Variants in FLNB observed in about 807,000 individuals in gnomAD.
FLNB encodes the protein filamin B.
Under a neutral mutation model 250.6 loss-of-function variants are expected in FLNB, and 111 were observed. That is an observed-to-expected ratio of 0.44 (90% CI 0.38 to 0.52). The LOEUF (loss-of-function observed/expected upper bound fraction) is 0.52, where lower values mean the gene tolerates loss of function less well. Among genes scored for constraint, FLNB ranks in the 20% least tolerant of loss-of-function variants. The pLI is 0.00. For synonymous variants in FLNB, 1,302 were observed against 1,372.1 expected (o/e 0.95, Z 1.13); for missense variants, 2,869 against 3,447.8 (o/e 0.83, Z 4.20).
intron 42 of FLNB, among the ~76,000 whole-genome samples, chr3:58,161,751 G>A (rs1339831648): frequency 1.3e-5 from 2 of 152,018 alleles, no homozygotes; most frequent in Admixed American, 6.5e-5. Flanking sequence ...TGTGGGCCTG[G>A]TTCTGGCCTT....
intron 21 of FLNB, 101 bp downstream of exon 21, chr3:58,123,791 A>G (rs2097293041): frequency 1.0e-6 from 1 of 1,000,086 alleles, no homozygotes; most frequent in African/African-American, 1.6e-5. Context: ...TGCAGGAGCC[A>G]GGTGACATAT....
At position 58,148,864 on chromosome 3, in the gene FLNB, C is replaced by T. The variant is rs1294960435; in HGVS notation, c.6091+12C>T. On this transcript the variant is annotated intron_variant, in intron 36 of 45. Transcript: ENST00000295956. ...CACAAGGGATGCAGGTCTGTGTGGT[C>T]CCAGGGGAGAGGCCCAGAGCTTGTG... The T allele has an allele frequency of 6.2e-7, 1 of 1,608,688 alleles. No homozygotes were observed.
chr3:58,040,260 G>A (rs750479201), intron 1 of FLNB, among the ~76,000 whole-genome samples: 11 of 152,304 alleles, frequency 7.2e-5, no homozygotes, highest in African/African-American at 1.7e-4. Flanking sequence ...CTGACCCAGC[G>A]AGCCAAAGCA....
chr3:58,121,443 A>G lies in FLNB; in HGVS notation c.3066A>G (p.Gly1022=), dbSNP rs775761983. The change falls in exon 20 of 46, where the codon GGA becomes GGG. Residue 1022 remains glycine, a synonymous_variant. Transcript: ENST00000295956. The part of the protein sequence containing the change: ...GLYAVDVTYD[G]HPVPGSPYTV... ...ATGCTGTAGACGTGACCTACGATGG[A>G]CACCCTGTGCCCGGGAGCCCCTACA... The G allele has an allele frequency of 3.7e-6, 6 of 1,613,978 alleles. No individual in the cohort carries two copies. The African/African-American group carries it at 4.0e-5, about 11-fold the overall frequency.
chr3:58,164,445 T>G lies in FLNB; in HGVS notation c.7198+1115T>G, dbSNP rs2097367013. On this transcript the variant is annotated intron_variant, in intron 43 of 45. Transcript: ENST00000295956. This position sits in a 1 kb window ranked among gnomAD's most constrained non-coding sequence, Gnocchi z 4.0. ...AGTATGTCCTGGTTTCTTGAGTCTC[T>G]TGTGTGTGTACCCCCACCCCGCATA... 1 of 152,262 alleles carries G rather than the reference T, an allele frequency of 6.6e-6. No homozygotes were observed. The highest frequency in any genetic ancestry group is 1.5e-5 in the Non-Finnish European group (1 of 68,100). The allele number at this position is 152,262 out of a possible 1,614,324, so 9.4% of individuals were successfully genotyped here.
intron 29 of FLNB, among the ~76,000 whole-genome samples, chr3:58,139,037 C>G (rs964197687): frequency 1.3e-5 from 2 of 152,252 alleles, no homozygotes; most frequent in South Asian, 2.1e-4. Context: ...GGGGAAATAC[C>G]TCGTCTTTTG....
At chr3:58,028,325 A>G (rs902543874) in intron 1 of FLNB, among the ~76,000 whole-genome samples, 3 of 152,182 alleles carry the variant, frequency 2.0e-5, no homozygotes, top group Non-Finnish European at 4.4e-5. Context: ...TTTAATAGGA[A>G]AATCACAGGA....
intron 18 of FLNB, among the ~76,000 whole-genome samples, chr3:58,114,006 T>A (rs1023935380): frequency 6.6e-5 from 10 of 152,134 alleles, no homozygotes; most frequent in Non-Finnish European, 1.2e-4. Context: ...GTGACTGATT[T>A]ATTTTTCTTC....
chr3:58,104,160 C>T (rs143611997), intron 10 of FLNB, 75 bp downstream of exon 10: 21 of 1,501,974 alleles, frequency 1.4e-5, no homozygotes, highest in South Asian at 5.9e-5. Context: ...AGTTGCTTCC[C>T]GGGCTGCAGG....
At chr3:58,093,631 G>A (rs2097232079) in intron 4 of FLNB, among the ~76,000 whole-genome samples, 1 of 88,934 alleles carries the variant, frequency 1.1e-5, no homozygotes, top group African/African-American at 4.5e-5. Flanking sequence ...TTATACTTAT[G>A]TTCACACACA....
At chr3:58,027,463 G>A (rs2106741773) in intron 1 of FLNB, among the ~76,000 whole-genome samples, 1 of 152,130 alleles carries the variant, frequency 6.6e-6, no homozygotes, top group Middle Eastern at 3.4e-3. Flanking sequence ...TGTATTTTTA[G>A]TATCAACGAG....
At chr3:58,065,759 T>A (rs902012361) in intron 1 of FLNB, among the ~76,000 whole-genome samples, 1 of 152,182 alleles carries the variant, frequency 6.6e-6, no homozygotes, top group African/African-American at 2.4e-5. Context: ...AGCCCCAGGG[T>A]GGGCCAGACT....
In FLNB at chr3:58,094,903, G is replaced by A; in HGVS notation, c.855G>A (p.Gly285=). ...TCACTGTGGACACCATCAGCGCCGGGCAAGGAGACGTGATGGTGTTTGTTG... is the reference window on the plus strand; with the variant it reads ...TCACTGTGGACACCATCAGCGCCGGACAAGGAGACGTGATGGTGTTTGTTG... ...AKFTVDTISA[G]QGDVMVFVED... is the part of the protein sequence containing the mutation. Residue 285 remains glycine (G), a synonymous_variant, in exon 5 of 46, where the codon GGG becomes GGA. Coordinates refer to ENST00000295956, the MANE Select transcript of FLNB (RefSeq NM_001457.4). 1.2e-6 allele frequency: 2 copies of A among 1,614,182 alleles called. No homozygotes were observed. Among genetic ancestry groups the A allele is most frequent in the Non-Finnish European group, 8.5e-7 (1 of 1,180,022 alleles).
At chr3:58,139,893 G>T (rs774821083) in intron 29 of FLNB, among the ~76,000 whole-genome samples, 58 of 152,192 alleles carry the variant, frequency 3.8e-4, no homozygotes, top group Non-Finnish European at 4.0e-4. Context: ...GAAGGTCTAC[G>T]TGAGAAAGTC....
chr3:58,123,542 GACCT>G lies in FLNB; in HGVS notation c.3579_3582del (p.Tyr1194CysfsTer3). The G allele has an allele frequency of 6.2e-7, 1 of 1,607,042 alleles. No individual in the cohort carries two copies. ...ACAACAAAGATGGCACCTACGCGGT[GACCT>G]ACGTGCCCCTGACGGCCGGCATGTA... On this transcript the variant is annotated frameshift_variant, in exon 21 of 46. Transcript: ENST00000295956. LOFTEE classifies it high-confidence loss of function.
intron 1 of FLNB, among the ~76,000 whole-genome samples, chr3:58,037,951 AAAC>A (rs1386125304): frequency 6.6e-6 from 1 of 152,238 alleles, no homozygotes; most frequent in Admixed American, 6.5e-5. Flanking sequence ...AAATCAATGA[AAAC>A]AACGTGTTAC....
At chr3:58,156,139 G>T in intron 41 of FLNB, 64 bp downstream of exon 41, 1 of 1,268,264 alleles carries the variant, frequency 7.9e-7, no homozygotes, top group Non-Finnish European at 1.2e-6. Flanking sequence ...CTGGACTCCT[G>T]AGGCTGCTTC....
At chr3:58,023,644 G>T (rs1324648581) in intron 1 of FLNB, among the ~76,000 whole-genome samples, 1 of 152,188 alleles carries the variant, frequency 6.6e-6, no homozygotes, top group East Asian at 1.9e-4. Flanking sequence ...TGGTCATACT[G>T]ATGGTTATAA....
intron 20 of FLNB, among the ~76,000 whole-genome samples, chr3:58,122,270 A>T (rs1201787022): frequency 6.6e-6 from 1 of 151,838 alleles, no homozygotes; most frequent in African/African-American, 2.4e-5. Flanking sequence ...AGGTGGATGG[A>T]TAACTTGAGG....
Sources: allele counts gnomAD v4.1 joint callset (sites outside exome capture counted in the v4.1 genomes callset), GRCh38; gene constraint gnomAD v4.1.1; non-coding constraint Gnocchi (gnomAD v3.1); transcripts MANE v1.5; gene names NCBI Gene and HGNC (gene_info 2026-07-23, HGNC 2026-07-21).